Variants in DNER observed in about 807,000 individuals in gnomAD.
DNER encodes the protein delta and Notch-like epidermal growth factor-related receptor.
A neutral mutation model predicts 78.2 loss-of-function variants in DNER; 33 were observed. The ratio of observed to expected loss-of-function variants is 0.42; its 90% confidence interval spans 0.32 to 0.56. DNER has a LOEUF of 0.56. Among genes scored for constraint, DNER ranks in the 20% least tolerant of loss-of-function variants. The pLI is 0.11. For synonymous variants in DNER, 417 were observed against 384.8 expected (o/e 1.08, Z -0.98); for missense variants, 918 against 975.3 (o/e 0.94, Z 0.78).
intron 1 of DNER, among the ~76,000 whole-genome samples, chr2:229,596,371 C>T (rs1424010400): frequency 6.6e-6 from 1 of 152,236 alleles, no homozygotes; most frequent in African/African-American, 2.4e-5. Flanking sequence ...AACTTTAAAT[C>T]TGCTTTAAAA....
intron 1 of DNER, among the ~76,000 whole-genome samples, chr2:229,694,627 A>C (rs776124649): frequency 6.6e-6 from 1 of 152,210 alleles, no homozygotes; most frequent in Non-Finnish European, 1.5e-5. Context: ...TGATTGCCCT[A>C]TTGGATTTTA....
At chr2:229,505,440 TA>T (rs899581339) in intron 6 of DNER, among the ~76,000 whole-genome samples, 1 of 151,948 alleles carries the variant, frequency 6.6e-6, no homozygotes, top group African/African-American at 2.4e-5. Flanking sequence ...TGCTAAAGCA[TA>T]AAAAAGAGTA....
At chr2:229,521,299 T>G (rs1034256915) in intron 5 of DNER, among the ~76,000 whole-genome samples, 4 of 152,206 alleles carry the variant, frequency 2.6e-5, no homozygotes, top group African/African-American at 9.7e-5. Context: ...AGGAAGACAG[T>G]GTGTCCTGGC....
At chr2:229,655,884 G>A (rs967638806) in intron 1 of DNER, among the ~76,000 whole-genome samples, 6 of 152,066 alleles carry the variant, frequency 3.9e-5, no homozygotes, top group Admixed American at 6.6e-5. Context: ...AAAGAAGGCC[G>A]TGTAAAGACC....
chr2:229,613,477 T>A (rs1433413464), intron 1 of DNER, among the ~76,000 whole-genome samples: 2 of 152,162 alleles, frequency 1.3e-5, no homozygotes, highest in African/African-American at 2.4e-5. Flanking sequence ...GAAAATAGGA[T>A]TTCCAAAACT....
At chr2:229,543,269 G>A (rs1024921305) in intron 5 of DNER, among the ~76,000 whole-genome samples, 3 of 152,222 alleles carry the variant, frequency 2.0e-5, no homozygotes, top group South Asian at 2.1e-4. Flanking sequence ...CTTTTGATTC[G>A]CTTTTTTTCA....
chr2:229,485,652 G>GA (rs1416258039), intron 6 of DNER, among the ~76,000 whole-genome samples: 1 of 151,968 alleles, frequency 6.6e-6, no homozygotes, highest in Non-Finnish European at 1.5e-5. Flanking sequence ...ACCTTCCAGA[G>GA]GTCAATGGTA....
intron 11 of DNER, among the ~76,000 whole-genome samples, chr2:229,387,563 G>GAAAGA (rs1553602557): frequency 1.9e-4 from 28 of 143,994 alleles, no homozygotes; most frequent in South Asian, 9.0e-4. Flanking sequence ...AAGAAAGAAA[G>GAAAGA]AAAGAAAAGA....
At chr2:229,400,690 T>C (rs996206909) in intron 10 of DNER, among the ~76,000 whole-genome samples, 1 of 152,012 alleles carries the variant, frequency 6.6e-6, no homozygotes, top group Admixed American at 6.6e-5. Flanking sequence ...CATAAATAAA[T>C]GATTAAATAA....
intron 5 of DNER, among the ~76,000 whole-genome samples, chr2:229,525,358 T>G (rs1374811009): frequency 1.3e-5 from 2 of 152,220 alleles, no homozygotes. Flanking sequence ...AGTAGAACAC[T>G]GCATAAAGCT....
At chr2:229,409,995 T>C (rs1299065746) in intron 9 of DNER, among the ~76,000 whole-genome samples, 1 of 152,070 alleles carries the variant, frequency 6.6e-6, no homozygotes. Context: ...ACTCAAACCC[T>C]CCTCCTCTGG....
At chr2:229,624,445 T>C (rs1454389368) in intron 1 of DNER, among the ~76,000 whole-genome samples, 4 of 152,142 alleles carry the variant, frequency 2.6e-5, no homozygotes, top group Admixed American at 6.5e-5. Context: ...CCATTTTCTC[T>C]TCCTTGCACT....
At chr2:229,536,683 G>A (rs1386490714) in intron 5 of DNER, among the ~76,000 whole-genome samples, 1 of 152,108 alleles carries the variant, frequency 6.6e-6, no homozygotes, top group Non-Finnish European at 1.5e-5. Context: ...TCCAGCCAGA[G>A]GCCTATTTCT....
chr2:229,607,823 G>T (rs1697967487), intron 1 of DNER, among the ~76,000 whole-genome samples: 2 of 151,974 alleles, frequency 1.3e-5, no homozygotes, highest in Middle Eastern at 3.2e-3. Context: ...AGGAGTTCAA[G>T]ACCAGCCTGG....
intron 8 of DNER, among the ~76,000 whole-genome samples, chr2:229,443,604 C>A (rs1186805424): frequency 1.3e-5 from 2 of 152,192 alleles, no homozygotes; most frequent in African/African-American, 4.8e-5. Context: ...AAACACCCGG[C>A]AAATCTGATT....
intron 12 of DNER, among the ~76,000 whole-genome samples, chr2:229,359,192 A>T (rs1419044463): frequency 6.6e-6 from 1 of 152,134 alleles, no homozygotes; most frequent in Non-Finnish European, 1.5e-5. Flanking sequence ...CTGTCCACAA[A>T]CTATGCCAGA....
rs146049705 is a variant in DNER, at chr2:229,549,697, G to T, written c.848-2605C>A. On this transcript the variant is annotated intron_variant, in intron 4 of 12. Transcript: ENST00000341772. Reference sequence around the variant, plus strand: ...GAGGCAGAAGCGCGTGGATCATGAGGTCAGGAGTTCAAGACCAGCCTGGCC... The same window carrying T: ...GAGGCAGAAGCGCGTGGATCATGAGTTCAGGAGTTCAAGACCAGCCTGGCC... Among the ~76,000 whole-genome samples, 1,011 of 152,198 alleles carry T rather than the reference G, an allele frequency of 6.6e-3. 13 individuals carry two copies. Among genetic ancestry groups the T allele is most frequent in the African/African-American group, 0.023 (944 of 41,558 alleles).
intron 1 of DNER, among the ~76,000 whole-genome samples, chr2:229,694,410 C>T (rs547076488): frequency 1.3e-5 from 2 of 152,150 alleles, no homozygotes; most frequent in South Asian, 2.1e-4. Context: ...GAATGGTAGA[C>T]CCACTAACAG....
At chr2:229,397,990 A>G (rs1455003878) in intron 10 of DNER, among the ~76,000 whole-genome samples, 2 of 152,130 alleles carry the variant, frequency 1.3e-5, no homozygotes, top group Non-Finnish European at 2.9e-5. Context: ...AAGCAAATTA[A>G]GCCCAAAGCA....
Sources: allele counts gnomAD v4.1 joint callset (sites outside exome capture counted in the v4.1 genomes callset), GRCh38; gene constraint gnomAD v4.1.1; transcripts MANE v1.5; gene names NCBI Gene and HGNC (gene_info 2026-07-23, HGNC 2026-07-21).